PCDHA7: variants seen among roughly 807,000 people sequenced by gnomAD.
PCDHA7 encodes the protein protocadherin alpha 7.
PCDHA7 carries 37 observed loss-of-function variants against 57.2 expected under a neutral mutation model. The observed-to-expected ratio is 0.65, with a 90% CI of 0.50 to 0.85. The LOEUF (loss-of-function observed/expected upper bound fraction) is 0.85, where lower values mean the gene tolerates loss of function less well. Ranked by LOEUF, PCDHA7 falls within the 40% of genes least tolerant of loss-of-function variation. PCDHA7 has a pLI of 0.00. For synonymous variants in PCDHA7, 553 were observed against 558.8 expected (o/e 0.99, Z 0.15); for missense variants, 1,188 against 1,241.8 (o/e 0.96, Z 0.65).
chr5:141,010,327 G>A lies in PCDHA7; in HGVS notation c.*390G>A. 2 of 1,539,744 alleles carry A rather than the reference G, an allele frequency of 1.3e-6. No individual in the cohort carries two copies. Among genetic ancestry groups the A allele is most frequent in the African/African-American group, 2.8e-5 (2 of 72,602 alleles). ...AAAGTTTTGAGATTGAGCAGCTTGG[G>A]AGTTTGTGGCCACTGGGTATGTGTG... On this transcript the variant is annotated 3_prime_UTR_variant, in exon 4 of 4. Transcript: ENST00000525929.
chr5:140,902,465 T>C (rs535908878), intron 1 of PCDHA7, among the ~76,000 whole-genome samples: 4 of 152,280 alleles, frequency 2.6e-5, no homozygotes, highest in Non-Finnish European at 4.4e-5. Flanking sequence ...AGAAAAGGCT[T>C]TGAGTTTTTG....
intron 1 of PCDHA7, among the ~76,000 whole-genome samples, chr5:140,953,252 T>C (rs557973424): frequency 3.3e-5 from 5 of 152,318 alleles, no homozygotes; most frequent in Admixed American, 1.3e-4. Context: ...TTCAGTTTAG[T>C]TCTTTTAGCT....
intron 1 of PCDHA7, chr5:140,851,191 T>C: frequency 8.2e-7 from 1 of 1,215,936 alleles, no homozygotes; most frequent in South Asian, 3.0e-5. Context: ...ACCAATTTAG[T>C]TGTTAGTCAT....
At chr5:140,995,924 G>T (rs998405229) in intron 3 of PCDHA7, among the ~76,000 whole-genome samples, 2 of 152,308 alleles carry the variant, frequency 1.3e-5, no homozygotes, top group African/African-American at 4.8e-5. Flanking sequence ...ATAGGCTGTT[G>T]TAAGTATTAA....
At chr5:140,896,555 T>C (rs2065621728) in intron 1 of PCDHA7, among the ~76,000 whole-genome samples, 1 of 151,910 alleles carries the variant, frequency 6.6e-6, no homozygotes, top group African/African-American at 2.4e-5. Context: ...TTTTGTATTT[T>C]AAGTAGAGAT....
At chr5:140,982,607 G>T (rs868934947) in intron 3 of PCDHA7, 44 bp downstream of exon 3, 2 of 1,601,622 alleles carry the variant, frequency 1.2e-6, no homozygotes, top group South Asian at 1.1e-5. Flanking sequence ...TTTCTGGAAA[G>T]TGATCAGATG....
At chr5:141,007,878 C>G (rs1316002060) in intron 3 of PCDHA7, among the ~76,000 whole-genome samples, 5 of 152,212 alleles carry the variant, frequency 3.3e-5, no homozygotes, top group African/African-American at 7.2e-5. Flanking sequence ...TTGTCTTACA[C>G]TTCTTTAAAA....
chr5:140,869,798 T>A (rs782748267), intron 1 of PCDHA7: 2 of 1,612,730 alleles, frequency 1.2e-6, no homozygotes. Flanking sequence ...TTAGTCCAAG[T>A]CTTGGATGTC....
intron 1 of PCDHA7, among the ~76,000 whole-genome samples, chr5:140,839,583 T>A (rs1285207405): frequency 6.6e-6 from 1 of 151,916 alleles, no homozygotes; most frequent in Non-Finnish European, 1.5e-5. Context: ...AGAGATGGGG[T>A]CTTACCATGT....
chr5:140,982,604 A>G, intron 3 of PCDHA7, 41 bp downstream of exon 3: 1 of 1,607,164 alleles, frequency 6.2e-7, no homozygotes, highest in Non-Finnish European at 8.5e-7. Context: ...TGGTTTCTGG[A>G]AAGTGATCAG....
At position 141,010,062 on chromosome 5, in the gene PCDHA7, A is replaced by G. The variant is rs1310704954; in HGVS notation, c.*125A>G. The G allele has an allele frequency of 8.1e-6, 13 of 1,602,422 alleles. No individual in the cohort carries two copies. Among genetic ancestry groups the G allele is most frequent in the African/African-American group, 2.7e-5 (2 of 74,284 alleles). On this transcript the variant is annotated 3_prime_UTR_variant, in exon 4 of 4. Transcript: ENST00000525929. Reference sequence around the variant, plus strand: ...CCTCTTAGAGACCTCAGAAATCTGCAGAAAGTTCCCTGTGTCTGTCTAGAA... The same window carrying G: ...CCTCTTAGAGACCTCAGAAATCTGCGGAAAGTTCCCTGTGTCTGTCTAGAA...
In PCDHA7 at chr5:140,998,286, A is replaced by G. The variant is rs913397915; in HGVS notation, c.2504-11341A>G. Among the ~76,000 whole-genome samples, 51 of 152,230 alleles carry G rather than the reference A, an allele frequency of 3.4e-4. 1 individual carries two copies. Among genetic ancestry groups the G allele is most frequent in the Non-Finnish European group, 1.5e-5 (1 of 68,044 alleles). On this transcript the variant is annotated intron_variant, in intron 3 of 3. Coordinates refer to ENST00000525929, the MANE Select transcript of PCDHA7 (RefSeq NM_018910.3). ...AAACTGACACCCATAGGATTAAATC[A>G]GATCACACATTTAGTAAGGGCACCA...
At chr5:140,882,086 A>T in intron 1 of PCDHA7, 2 of 1,056,122 alleles carry the variant, frequency 1.9e-6, no homozygotes, top group Non-Finnish European at 2.7e-6. Context: ...GTCGCTCTTC[A>T]CTGAGAACGT....
chr5:140,841,503 C>T (rs2150316766), intron 1 of PCDHA7: 3 of 1,613,300 alleles, frequency 1.9e-6, no homozygotes, highest in African/African-American at 1.3e-5. Context: ...GAGCTGGTGC[C>T]GCGCCTGTTC....
At chr5:140,897,120 C>G (rs116233032) in intron 1 of PCDHA7, among the ~76,000 whole-genome samples, 4 of 152,134 alleles carry the variant, frequency 2.6e-5, no homozygotes, top group African/African-American at 9.7e-5. Context: ...TCTGTCCACA[C>G]CCCACTAAAC....
chr5:140,902,750 A>C (rs1367370245), intron 1 of PCDHA7, among the ~76,000 whole-genome samples: 1 of 151,888 alleles, frequency 6.6e-6, no homozygotes. Flanking sequence ...AATCCATTAT[A>C]TCATTCTTAT....
At chr5:140,867,366 T>C (rs1478062885) in intron 1 of PCDHA7, 2 of 152,156 alleles carry the variant, frequency 1.3e-5, no homozygotes, top group African/African-American at 4.8e-5. Flanking sequence ...ATTTTACAGA[T>C]GCGTAATGGA....
chr5:140,836,911 T>C (rs1774807793), intron 1 of PCDHA7, 173 bp downstream of exon 1: 1 of 572,226 alleles, frequency 1.7e-6, no homozygotes, highest in Non-Finnish European at 2.9e-6. Context: ...AATATACACT[T>C]TTGTTTTGGG....
In PCDHA7 at chr5:140,928,366, C is replaced by T. The variant is rs73793524; in HGVS notation, c.2356-50583C>T. 1.5e-3 allele frequency: 2,439 copies of T among 1,614,110 alleles called. 35 individuals carry two copies. In the African/African-American group the frequency reaches 0.03, roughly 20 times the overall value. ...GCTGTTGGATGTTATCTCTGAAGGG[C>T]CATCAGCCTCTAGCTTGCTGGCAGT... On this transcript the variant is annotated intron_variant, in intron 1 of 3. Coordinates refer to ENST00000525929, the MANE Select transcript of PCDHA7 (RefSeq NM_018910.3).
Sources: gnomAD v4.1 joint callset for allele counts (sites outside exome capture counted in the v4.1 genomes callset) on GRCh38, gnomAD v4.1.1 for gene constraint, MANE v1.5 for transcripts, NCBI Gene and HGNC (gene_info 2026-07-23, HGNC 2026-07-21) for gene names.